NSMCE2: variants seen among roughly 807,000 people sequenced by gnomAD.
NSMCE2 encodes NSE2 SUMO ligase component of SMC5/6 complex.
In NSMCE2, 24 loss-of-function variants were observed where a neutral mutation model predicts 23.8. That is an observed-to-expected ratio of 1.01 (90% CI 0.73 to 1.42). NSMCE2 has a LOEUF of 1.42. Among genes scored for constraint, NSMCE2 ranks in the 40% most tolerant of loss-of-function variants. The pLI, the probability that NSMCE2 is intolerant of heterozygous loss-of-function variation, is 0.00. For synonymous variants in NSMCE2, 92 were observed against 94.1 expected (o/e 0.98, Z 0.13); for missense variants, 284 against 296.5 (o/e 0.96, Z 0.31).
chr8:125,218,450 C>T (rs535031647), intron 5 of NSMCE2, among the ~76,000 whole-genome samples: 3 of 146,838 alleles, frequency 2.0e-5, no homozygotes, highest in East Asian at 2.0e-4. Context: ...CTTGCTCTGT[C>T]GCTCAGACTG....
chr8:125,274,159 T>G (rs1166924234), intron 5 of NSMCE2, among the ~76,000 whole-genome samples: 1 of 152,122 alleles, frequency 6.6e-6, no homozygotes, highest in Non-Finnish European at 1.5e-5. Flanking sequence ...CAGGGAAGCT[T>G]AACCCGTACT....
At chr8:125,140,604 A>G (rs1820318923) in intron 3 of NSMCE2, among the ~76,000 whole-genome samples, 1 of 152,066 alleles carries the variant, frequency 6.6e-6, no homozygotes, top group African/African-American at 2.4e-5. Context: ...AGCCGAGATC[A>G]TGCCACTGCA....
intron 5 of NSMCE2, among the ~76,000 whole-genome samples, chr8:125,356,430 G>A (rs1813285481): frequency 1.4e-5 from 2 of 141,830 alleles, no homozygotes; most frequent in Non-Finnish European, 3.0e-5. Context: ...CTGGGTTCAA[G>A]CGATTCTCCT....
chr8:125,172,730 A>C lies in NSMCE2; in HGVS notation c.265-9373A>C, dbSNP rs7002224. 2.0e-5 allele frequency among the ~76,000 whole-genome samples: 3 copies of C among 152,290 alleles called. No individual in the cohort carries two copies. The South Asian group carries it at 6.2e-4, about 32-fold the overall frequency. ...ATAAATATGTTTATGTCAGACCAAA[A>C]AATAAATATGAATAGATACTTTAGT... On this transcript the variant is annotated intron_variant, in intron 4 of 7. Transcript: ENST00000287437.
chr8:125,196,999 C>T (rs1273457726), intron 5 of NSMCE2, among the ~76,000 whole-genome samples: 1 of 152,144 alleles, frequency 6.6e-6, no homozygotes, highest in Non-Finnish European at 1.5e-5. Context: ...TAAATGTCTT[C>T]TTTTGGGAAG....
intron 5 of NSMCE2, among the ~76,000 whole-genome samples, chr8:125,307,749 G>A (rs1359313969): frequency 6.6e-6 from 1 of 152,162 alleles, no homozygotes; most frequent in African/African-American, 2.4e-5. Flanking sequence ...CTAAGCAAGT[G>A]TCGTTTGCTC....
intron 5 of NSMCE2, among the ~76,000 whole-genome samples, chr8:125,302,430 G>T (rs534703640): frequency 2.0e-5 from 3 of 152,248 alleles, no homozygotes; most frequent in Non-Finnish European, 4.4e-5. Flanking sequence ...TGAGGGAAAG[G>T]AAAGTAGGAG....
Position 125,333,505 on chromosome 8 carries a change from C to CTTTTTTTTTTTTTTTTTT in NSMCE2, c.419-23704_419-23687dup, listed in dbSNP as rs71295847. ...TTCTAATGTAGTTTTCCTGGTGGTT[C>CTTTTTTTTTTTTTTTTTT]TTTTTTTTTTTTTTTTTTTTTTTTT... On this transcript the variant is annotated intron_variant, in intron 5 of 7. Transcript: ENST00000287437. Among the ~76,000 whole-genome samples, 10 of 45,628 alleles carry CTTTTTTTTTTTTTTTTTT rather than the reference C, an allele frequency of 2.2e-4. 2 individuals carry two copies. The highest frequency in any genetic ancestry group is 4.7e-4 in the African/African-American group (5 of 10,594). The allele number at this position is 45,628 out of a possible 152,430, so 29.9% of individuals were successfully genotyped here. A position where few individuals can be genotyped will look rare whatever the true frequency, so the allele number is the denominator to read the frequency against.
At chr8:125,269,723 CTG>C (rs910952023) in intron 5 of NSMCE2, among the ~76,000 whole-genome samples, 20 of 152,202 alleles carry the variant, frequency 1.3e-4, no homozygotes, top group African/African-American at 4.8e-4. Flanking sequence ...TCGTTTAAGT[CTG>C]TGTTGCAGAG....
intron 3 of NSMCE2, among the ~76,000 whole-genome samples, chr8:125,128,589 CA>C (rs1196441418): frequency 1.3e-5 from 2 of 152,198 alleles, no homozygotes; most frequent in African/African-American, 2.4e-5. Context: ...TAAAACAACA[CA>C]AATCTCAAGC....
At chr8:125,232,728 A>G (rs1176963348) in intron 5 of NSMCE2, among the ~76,000 whole-genome samples, 1 of 152,048 alleles carries the variant, frequency 6.6e-6, no homozygotes, top group African/African-American at 2.4e-5. Context: ...CCCCTTTCTT[A>G]TGTTATCGTA....
intron 5 of NSMCE2, among the ~76,000 whole-genome samples, chr8:125,187,936 A>C (rs1335695187): frequency 6.6e-6 from 1 of 152,208 alleles, no homozygotes; most frequent in Admixed American, 6.5e-5. Context: ...TTTAGACAGT[A>C]TATTTAGGTC....
intron 5 of NSMCE2, among the ~76,000 whole-genome samples, chr8:125,325,737 C>T (rs993909779): frequency 2.6e-5 from 4 of 152,050 alleles, no homozygotes; most frequent in African/African-American, 4.8e-5. Context: ...GGATCACCTG[C>T]GGTCAGGAGT....
intron 3 of NSMCE2, among the ~76,000 whole-genome samples, chr8:125,139,197 T>C (rs935433142): frequency 2.0e-5 from 3 of 152,050 alleles, no homozygotes; most frequent in African/African-American, 7.2e-5. Flanking sequence ...TTACATGGAG[T>C]AGAAGTTTGT....
chr8:125,257,679 G>A (rs77120988), intron 5 of NSMCE2, among the ~76,000 whole-genome samples: 19,210 of 151,842 alleles, frequency 0.13, 1,371 homozygotes, highest in Middle Eastern at 0.24. Flanking sequence ...GACTACAGGC[G>A]CTCACCACCA....
chr8:125,191,053 G>A (rs1217806983), intron 5 of NSMCE2, among the ~76,000 whole-genome samples: 1 of 152,010 alleles, frequency 6.6e-6, no homozygotes, highest in Non-Finnish European at 1.5e-5. Context: ...TGTATTTTTA[G>A]TAGAGACGGG....
intron 5 of NSMCE2, among the ~76,000 whole-genome samples, chr8:125,304,002 T>C (rs1409952905): frequency 6.6e-6 from 1 of 152,252 alleles, no homozygotes; most frequent in Non-Finnish European, 1.5e-5. Flanking sequence ...CAAATTGGCT[T>C]TGTCATACAT....
At chr8:125,293,822 C>G (rs1563767766) in intron 5 of NSMCE2, among the ~76,000 whole-genome samples, 1 of 152,096 alleles carries the variant, frequency 6.6e-6, no homozygotes, top group Non-Finnish European at 1.5e-5. Context: ...ATATACATAC[C>G]ATACAACTCA....
intron 5 of NSMCE2, among the ~76,000 whole-genome samples, chr8:125,193,139 T>C (rs1460420386): frequency 6.6e-6 from 1 of 152,204 alleles, no homozygotes; most frequent in Non-Finnish European, 1.5e-5. Context: ...GCTTATGCTA[T>C]TAAGAGTTAA....
Sources: allele counts gnomAD v4.1 joint callset (sites outside exome capture counted in the v4.1 genomes callset), GRCh38; gene constraint gnomAD v4.1.1; transcripts MANE v1.5; gene names NCBI Gene and HGNC (gene_info 2026-07-23, HGNC 2026-07-21).